The following MOB1B variants were observed in gnomAD, a reference collection of about 807,000 sequenced individuals.
The protein encoded by MOB1B is MOB1 Mps One Binder homolog B.
In MOB1B, 19 loss-of-function variants were observed where a neutral mutation model predicts 24.4. The ratio of observed to expected loss-of-function variants is 0.78; its 90% CI spans 0.54 to 1.14. The LOEUF (loss-of-function observed/expected upper bound fraction) is 1.14, where lower values mean the gene tolerates loss of function less well. MOB1B is among the 50% of genes most tolerant of loss of function. MOB1B has a pLI of 0.00. For missense variants in MOB1B, 243 were observed against 259.6 expected (o/e 0.94, Z 0.44); for synonymous variants, 76 against 82.1 (o/e 0.93, Z 0.40).
At position 70,979,236 on chromosome 4, in the gene MOB1B, T is replaced by C; in HGVS notation, c.518T>C (p.Leu173Pro). Residue 173 changes from leucine (L) to proline (P), a missense_variant, in exon 5 of 6, where the codon CTT (leucine) becomes CCT (proline). By Grantham distance (98) the Leu-to-Pro change is moderately conservative. Transcript: ENST00000309395. ...CAGCATTTTGACCCTGTGATCCAGC[T>C]TCAGGAGGAAGCACATCTAAATACA... is the stretch of plus-strand genomic sequence containing the variant. The part of the protein sequence containing the change: ...YHQHFDPVIQ[L>P]QEEAHLNTSF... The C allele has an allele frequency of 6.2e-7, 1 of 1,613,990 alleles. No individual in the cohort carries two copies. Among genetic ancestry groups the C allele is most frequent in the Non-Finnish European group, 8.5e-7 (1 of 1,179,920 alleles).
chr4:70,902,858 C>T (rs1735573405), intron 1 of MOB1B, among the ~76,000 whole-genome samples: 1 of 152,220 alleles, frequency 6.6e-6, no homozygotes, highest in Non-Finnish European at 1.5e-5. Flanking sequence ...CTCGCATTCC[C>T]GGGCTTGTTT....
chr4:70,908,398 A>G (rs564736756), intron 1 of MOB1B, among the ~76,000 whole-genome samples: 3 of 151,486 alleles, frequency 2.0e-5, no homozygotes, highest in African/African-American at 4.8e-5. Context: ...AGGAAGAAAC[A>G]GATGGATTGG....
chr4:70,909,913 A>G (rs1199614008), intron 1 of MOB1B, among the ~76,000 whole-genome samples: 2 of 151,854 alleles, frequency 1.3e-5, no homozygotes, highest in East Asian at 3.9e-4. Flanking sequence ...TGCCTGGCTA[A>G]TTTTTATATA....
intron 2 of MOB1B, among the ~76,000 whole-genome samples, chr4:70,962,290 C>T (rs1738337389): frequency 6.6e-6 from 1 of 152,162 alleles, no homozygotes; most frequent in Non-Finnish European, 1.5e-5. Context: ...CAAAACTCTA[C>T]CTGATAACAC....
At chr4:70,954,739 C>T (rs1419208235) in intron 1 of MOB1B, among the ~76,000 whole-genome samples, 2 of 146,724 alleles carry the variant, frequency 1.4e-5, no homozygotes, top group African/African-American at 5.1e-5. Flanking sequence ...CCGGCATGAG[C>T]CACTGTGCCT....
Position 70,982,189 on chromosome 4 carries a change from T to C in MOB1B, c.*132T>C. ...GGGGCGGGGGCTTGTTTGGGTTCCTTTTTCTTTATTCTGATTATGTGAAAC... is the reference window on the plus strand; with the variant it reads ...GGGGCGGGGGCTTGTTTGGGTTCCTCTTTCTTTATTCTGATTATGTGAAAC... On this transcript the variant is annotated 3_prime_UTR_variant, in exon 6 of 6. Transcript: ENST00000309395. 7 of 598,610 alleles carry C rather than the reference T, an allele frequency of 1.2e-5. No individual in the cohort carries two copies. The South Asian group carries it at 1.6e-4, about 13-fold the overall frequency. 37.1% of individuals were successfully genotyped at this position (598,610 alleles called of 1,614,324 possible). A position where few individuals can be genotyped will look rare whatever the true frequency, so the allele number is the denominator to read the frequency against.
chr4:70,946,644 G>C (rs1421204883), intron 1 of MOB1B, among the ~76,000 whole-genome samples: 1 of 152,104 alleles, frequency 6.6e-6, no homozygotes, highest in Non-Finnish European at 1.5e-5. Flanking sequence ...AGTTCCTATT[G>C]TAAACCAAAA....
chr4:70,975,566 C>T (rs1433057194), intron 4 of MOB1B: 1 of 1,049,610 alleles, frequency 9.5e-7, no homozygotes, highest in Non-Finnish European at 1.2e-6. Flanking sequence ...TAAATGATCT[C>T]CCTCTCTTAA....
At chr4:70,930,844 C>T (rs553355674) in intron 1 of MOB1B, among the ~76,000 whole-genome samples, 1 of 151,964 alleles carries the variant, frequency 6.6e-6, no homozygotes, top group East Asian at 1.9e-4. Flanking sequence ...TGGTCAGAGT[C>T]GAAACCCATT....
chr4:70,915,403 C>G (rs1238792529), intron 1 of MOB1B, among the ~76,000 whole-genome samples: 1 of 152,184 alleles, frequency 6.6e-6, no homozygotes, highest in Admixed American at 6.5e-5. Context: ...AGCATAGGGG[C>G]TCAAGAGCCC....
rs201391108 is a variant in MOB1B at position 70,979,184 on chromosome 4, T to C, written c.466T>C (p.Phe156Leu). ...GGCAAAAACTATACTCAAACGCCTC[T>C]TTAGGGTTTATGCTCACATTTATCA... is the stretch of plus-strand genomic sequence containing the variant. ...SVAKTILKRL[F>L]RVYAHIYHQH... The change falls in exon 5 of 6, where the codon TTT becomes CTT. Residue 156 changes from phenylalanine to leucine, a missense_variant. Transcript: ENST00000309395. 1.2e-6 allele frequency: 2 copies of C among 1,613,868 alleles called. No individual in the cohort carries two copies. Among genetic ancestry groups the C allele is most frequent in the East Asian group, 2.2e-5 (1 of 44,856 alleles).
intron 1 of MOB1B, among the ~76,000 whole-genome samples, chr4:70,946,037 A>G (rs560964287): frequency 2.0e-5 from 3 of 149,984 alleles, no homozygotes; most frequent in South Asian, 2.1e-4. Context: ...ATTGCATTGA[A>G]TGTCTTTTGC....
At chr4:70,926,143 G>A (rs979406943) in intron 1 of MOB1B, among the ~76,000 whole-genome samples, 1 of 151,972 alleles carries the variant, frequency 6.6e-6, no homozygotes, top group Non-Finnish European at 1.5e-5. Flanking sequence ...GTGCCACCAT[G>A]CCTGGATAAT....
At chr4:70,941,792 A>G (rs552752069) in intron 1 of MOB1B, among the ~76,000 whole-genome samples, 84 of 152,204 alleles carry the variant, frequency 5.5e-4, no homozygotes, top group Non-Finnish European at 1.2e-3. Context: ...CTTTTAAAGT[A>G]AAGCTAATTA....
intron 1 of MOB1B, among the ~76,000 whole-genome samples, chr4:70,904,933 G>T (rs1735677542): frequency 1.3e-5 from 2 of 152,122 alleles, no homozygotes. Flanking sequence ...TCTCCTGAAG[G>T]TTAGTAACTA....
intron 1 of MOB1B, among the ~76,000 whole-genome samples, chr4:70,947,305 T>C (rs1737626313): frequency 2.0e-5 from 3 of 152,212 alleles, no homozygotes; most frequent in Admixed American, 2.0e-4. Context: ...GGTCTCACTC[T>C]GTCACTCAGG....
At chr4:70,979,101 A>C in intron 4 of MOB1B, 27 bp from the exon 5 acceptor site, 3 of 1,592,186 alleles carry the variant, frequency 1.9e-6, no homozygotes, top group Non-Finnish European at 2.6e-6. Context: ...TCTTGTTACT[A>C]GAGGGAGTTG....
Position 70,970,017 on chromosome 4 carries a change from G to A in MOB1B, c.268G>A (p.Gly90Ser). The A allele has an allele frequency of 6.4e-7, 1 of 1,563,520 alleles. No individual in the cohort carries two copies. Among genetic ancestry groups the A allele is most frequent in the Non-Finnish European group, 8.7e-7 (1 of 1,143,568 alleles). ...TEESCPVMSAGPKYEYHWADG... is the reference protein window; with the variant it reads ...TEESCPVMSASPKYEYHWADG... ...AGAGAGTTGTCCAGTGATGTCAGCT[G>A]GCCCAAAGTAAGACATAGTTAATGA... The change falls in exon 3 of 6, where the codon GGC (glycine) becomes AGC (serine). Residue 90 changes from glycine (G) to serine (S), a missense_variant. Coordinates refer to ENST00000309395, the MANE Select transcript of MOB1B (RefSeq NM_173468.4).
intron 1 of MOB1B, among the ~76,000 whole-genome samples, chr4:70,921,689 A>G (rs901045900): frequency 2.4e-4 from 37 of 151,942 alleles, no homozygotes; most frequent in Non-Finnish European, 3.2e-4. Context: ...TTGTATTTTT[A>G]GTAGAGATGG....
Sources: gnomAD v4.1 joint callset for allele counts (sites outside exome capture counted in the v4.1 genomes callset) on GRCh38, gnomAD v4.1.1 for gene constraint, MANE v1.5 for transcripts, NCBI Gene and HGNC (gene_info 2026-07-23, HGNC 2026-07-21) for gene names.